The following DLGAP2 variants were observed in gnomAD, a reference collection of about 807,000 sequenced individuals.
DLGAP2 encodes the protein DLG associated protein 2, also known as disks large-associated protein 2.
Under a neutral mutation model 100.3 loss-of-function variants are expected in DLGAP2, and 26 were observed. The ratio of observed to expected loss-of-function variants is 0.26; its 90% CI spans 0.19 to 0.36. DLGAP2 has a LOEUF of 0.36. Among genes scored for constraint, DLGAP2 ranks in the 10% least tolerant of loss-of-function variants. The pLI is 1.00. For synonymous variants in DLGAP2, 886 were observed against 630.1 expected (o/e 1.41, Z -6.08); for missense variants, 1,858 against 1,453.2 (o/e 1.28, Z -4.53).
intron 2 of DLGAP2, among the ~76,000 whole-genome samples, chr8:1,050,449 T>C (rs1337451699): frequency 6.6e-6 from 1 of 152,200 alleles, no homozygotes; most frequent in Non-Finnish European, 1.5e-5. Flanking sequence ...CTGTGCACAT[T>C]CACGCTGGGC....
At chr8:1,425,204 T>G (rs1256177393) in intron 3 of DLGAP2, among the ~76,000 whole-genome samples, 1 of 152,218 alleles carries the variant, frequency 6.6e-6, no homozygotes, top group Non-Finnish European at 1.5e-5. Flanking sequence ...ATGATAACAT[T>G]ATGAATTCAA....
intron 3 of DLGAP2, among the ~76,000 whole-genome samples, chr8:1,472,685 C>G (rs1397876188): frequency 6.6e-6 from 1 of 152,178 alleles, no homozygotes; most frequent in East Asian, 1.9e-4. Context: ...AGGGGTGCAG[C>G]TGCCAGCCAG....
At chr8:1,106,909 C>T (rs939380126) in intron 2 of DLGAP2, among the ~76,000 whole-genome samples, 2 of 152,172 alleles carry the variant, frequency 1.3e-5, no homozygotes, top group African/African-American at 4.8e-5. Context: ...GAGGATAAGA[C>T]TCTAAGGGTT....
chr8:1,040,056 G>GCGTGGTCAGCTCGGTTTC (rs1238942417), intron 2 of DLGAP2, among the ~76,000 whole-genome samples: 1 of 144,046 alleles, frequency 6.9e-6, no homozygotes, highest in Non-Finnish European at 1.5e-5. Flanking sequence ...GGCTCGGTGT[G>GCGTGGTCAGCTCGGTTTC]CGTGGTCAGC....
At chr8:1,124,183 G>A (rs896117847) in intron 2 of DLGAP2, among the ~76,000 whole-genome samples, 11 of 152,294 alleles carry the variant, frequency 7.2e-5, no homozygotes, top group African/African-American at 2.6e-4. Flanking sequence ...AATTCTCATA[G>A]CATACATAGA....
intron 2 of DLGAP2, among the ~76,000 whole-genome samples, chr8:1,028,673 C>A (rs1303772968): frequency 2.0e-5 from 3 of 152,220 alleles, no homozygotes; most frequent in Admixed American, 6.5e-5. Flanking sequence ...CATCCAGGAG[C>A]TAGGGTGTGG....
Position 1,707,637 on chromosome 8 carries a change from G to GA in DLGAP2, c.*6232dup, listed in dbSNP as rs1799742570. ...GCAGGACAGGTCCTCCCTGCAGAGA[G>GA]AGACAACTCATCCCCCGACCTTCCA... is the stretch of plus-strand genomic sequence containing the variant. On this transcript the variant is annotated 3_prime_UTR_variant, in exon 15 of 15. Transcript: ENST00000637795. 1.3e-5 allele frequency: 2 copies of GA among 152,168 alleles called. No homozygotes were observed. Among genetic ancestry groups the GA allele is most frequent in the South Asian group, 2.1e-4 (1 of 4,830 alleles). 9.4% of individuals were successfully genotyped at this position (152,168 alleles called of 1,614,324 possible).
intron 2 of DLGAP2, among the ~76,000 whole-genome samples, chr8:1,066,243 C>G (rs192915056): frequency 1.3e-5 from 2 of 149,970 alleles, no homozygotes; most frequent in Non-Finnish European, 3.0e-5. Context: ...GAGGGCAGCT[C>G]CCCACCACGG....
intron 1 of DLGAP2, among the ~76,000 whole-genome samples, chr8:759,122 A>G (rs1287535302): frequency 2.1e-4 from 13 of 62,504 alleles, no homozygotes; most frequent in Middle Eastern, 0.016. Context: ...CCTTCCCATT[A>G]TCAATACCCC....
intron 1 of DLGAP2, among the ~76,000 whole-genome samples, chr8:773,207 G>T (rs1821413670): frequency 1.3e-5 from 2 of 152,110 alleles, no homozygotes; most frequent in Admixed American, 6.5e-5. Context: ...CTCTTTCTTT[G>T]GTGGGCAGAC....
At position 1,319,037 on chromosome 8, in the gene DLGAP2, AACAATGGGCT is replaced by A. The variant is rs533081152; in HGVS notation, c.106+60155_106+60164del. Among the ~76,000 whole-genome samples the A allele has an allele frequency of 2.1e-4, 31 of 149,458 alleles. No individual in the cohort carries two copies. The South Asian group carries it at 6.6e-3, about 32-fold the overall frequency. ...GTGTATCAGTGCGAGCTCGGTGGCGAACAATGGGCTCCCTGTTGCTCGTTGAAGCAGAATG... is the reference window on the plus strand; with the variant it reads ...GTGTATCAGTGCGAGCTCGGTGGCGACCCTGTTGCTCGTTGAAGCAGAATG... On this transcript the variant is annotated intron_variant, in intron 3 of 14. Coordinates refer to ENST00000637795, the MANE Select transcript of DLGAP2 (RefSeq NM_001346810.2).
At chr8:1,498,396 C>T (rs1398148530) in intron 3 of DLGAP2, among the ~76,000 whole-genome samples, 3 of 151,592 alleles carry the variant, frequency 2.0e-5, no homozygotes, top group African/African-American at 4.8e-5. Context: ...AAAAAAATTA[C>T]ACATTCGGGA....
chr8:792,324 G>A (rs1424287118), intron 1 of DLGAP2, among the ~76,000 whole-genome samples: 1 of 152,106 alleles, frequency 6.6e-6, no homozygotes, highest in African/African-American at 2.4e-5. Context: ...TTTCTAAGTG[G>A]ATAAATTATG....
At chr8:1,626,045 G>A (rs113279010) in intron 6 of DLGAP2, among the ~76,000 whole-genome samples, 1 of 122,032 alleles carries the variant, frequency 8.2e-6, no homozygotes, top group Non-Finnish European at 1.6e-5. Context: ...GCCTCTGGGT[G>A]TGGGTTGGAT....
intron 2 of DLGAP2, among the ~76,000 whole-genome samples, chr8:1,201,468 C>T (rs575093391): frequency 5.3e-4 from 80 of 152,304 alleles, no homozygotes; most frequent in African/African-American, 1.8e-3. Flanking sequence ...GAAGATTCTC[C>T]AGAGCCTCCA....
chr8:1,543,043 T>C (rs1161318942), intron 4 of DLGAP2, among the ~76,000 whole-genome samples: 2 of 152,324 alleles, frequency 1.3e-5, no homozygotes, highest in Admixed American at 1.3e-4. Flanking sequence ...ATGCCCATTA[T>C]TATTTGGATT....
chr8:1,132,225 T>C (rs1423941567), intron 2 of DLGAP2, among the ~76,000 whole-genome samples: 1 of 152,266 alleles, frequency 6.6e-6, no homozygotes, highest in Non-Finnish European at 1.5e-5. Context: ...TGATGACTTT[T>C]AAATCCTGTA....
intron 2 of DLGAP2, among the ~76,000 whole-genome samples, chr8:1,201,170 C>T (rs1797864608): frequency 6.6e-6 from 1 of 152,182 alleles, no homozygotes; most frequent in Admixed American, 6.5e-5. Flanking sequence ...AGGCTGAAGC[C>T]GCTGCGTAGG....
chr8:797,490 G>A (rs1222751214), intron 1 of DLGAP2, among the ~76,000 whole-genome samples: 1 of 152,138 alleles, frequency 6.6e-6, no homozygotes, highest in Non-Finnish European at 1.5e-5. Flanking sequence ...TGAGGCTGTT[G>A]TGAATGAGGC....
Sources: allele counts gnomAD v4.1 joint callset (sites outside exome capture counted in the v4.1 genomes callset), GRCh38; gene constraint gnomAD v4.1.1; transcripts MANE v1.5; gene names NCBI Gene and HGNC (gene_info 2026-07-23, HGNC 2026-07-21).